Variants in PRKCB observed in about 807,000 individuals in gnomAD.
PRKCB encodes the protein protein kinase C beta type.
In PRKCB, 13 loss-of-function variants were observed where a neutral mutation model predicts 81.5. That is an observed-to-expected ratio of 0.16 (90% CI 0.10 to 0.25). The LOEUF is 0.25. Ranked by LOEUF, PRKCB falls within the 10% of genes least tolerant of loss-of-function variation. The pLI is 1.00. For synonymous variants in PRKCB, 335 were observed against 321.4 expected (o/e 1.04, Z -0.45); for missense variants, 509 against 875.7 (o/e 0.58, Z 5.29).
Position 24,217,727 on chromosome 16 carries a change from G to T in PRKCB, c.*2911G>T, listed in dbSNP as rs1221525558. 14 of 985,304 alleles carry T rather than the reference G, an allele frequency of 1.4e-5. No individual in the cohort carries two copies. The highest frequency in any genetic ancestry group is 1.1e-4 in the East Asian group (1 of 8,822). 61.0% of individuals were successfully genotyped at this position (985,304 alleles called of 1,614,324 possible). On this transcript the variant is annotated 3_prime_UTR_variant, in exon 17 of 17. Coordinates refer to ENST00000643927, the MANE Select transcript of PRKCB (RefSeq NM_002738.7). ...GGAATCTTTGATAAGAGGCCCACAG[G>T]CAGGGAAAGCGAAATAGGGTTGATG... is the stretch of plus-strand genomic sequence containing the variant.
At chr16:23,978,440 T>C (rs763081213) in intron 2 of PRKCB, among the ~76,000 whole-genome samples, 50 of 152,246 alleles carry the variant, frequency 3.3e-4, no homozygotes, top group Non-Finnish European at 3.4e-4. Flanking sequence ...TGAAGTGTCC[T>C]GTGGAATGTG....
chr16:24,141,166 T>C (rs916827336), intron 9 of PRKCB, among the ~76,000 whole-genome samples: 4 of 152,212 alleles, frequency 2.6e-5, no homozygotes, highest in Admixed American at 2.6e-4. Context: ...TCCAACCTGC[T>C]GTGAGACCTC....
intron 5 of PRKCB, among the ~76,000 whole-genome samples, chr16:24,062,410 T>C (rs904348463): frequency 3.9e-5 from 6 of 152,240 alleles, no homozygotes; most frequent in Admixed American, 3.3e-4. Flanking sequence ...CCAAGCACTT[T>C]TGAGGATTCT....
At chr16:24,140,001 G>A (rs770427426) in intron 9 of PRKCB, among the ~76,000 whole-genome samples, 1 of 152,150 alleles carries the variant, frequency 6.6e-6, no homozygotes, top group Non-Finnish European at 1.5e-5. Context: ...AGTCTACCCA[G>A]TTGCCTTCTC....
At chr16:23,929,179 A>G (rs1963937954) in intron 2 of PRKCB, among the ~76,000 whole-genome samples, 1 of 152,122 alleles carries the variant, frequency 6.6e-6, no homozygotes, top group Non-Finnish European at 1.5e-5. Flanking sequence ...GTCCTTCACC[A>G]TGGCAGGAAT....
chr16:24,181,515 C>T (rs1294229803), intron 13 of PRKCB, among the ~76,000 whole-genome samples: 1 of 151,992 alleles, frequency 6.6e-6, no homozygotes, highest in Non-Finnish European at 1.5e-5. Context: ...GCCTGTAATC[C>T]CAGCACTTTG....
chr16:24,023,234 G>A (rs1283558077), intron 3 of PRKCB, among the ~76,000 whole-genome samples: 1 of 152,214 alleles, frequency 6.6e-6, no homozygotes, highest in Non-Finnish European at 1.5e-5. Context: ...ATCTTTGAAT[G>A]CGATCAGAAC....
At chr16:24,006,066 T>C (rs1965114911) in intron 3 of PRKCB, among the ~76,000 whole-genome samples, 1 of 152,186 alleles carries the variant, frequency 6.6e-6, no homozygotes, top group Non-Finnish European at 1.5e-5. Flanking sequence ...CCTCCCTTCC[T>C]CCCTTCCTCC....
rs928250630 is a variant in PRKCB, at chr16:24,179,789, A to G, written c.1395-1001A>G. On this transcript the variant is annotated intron_variant, in intron 12 of 16. Coordinates refer to ENST00000643927, the MANE Select transcript of PRKCB (RefSeq NM_002738.7). ...ATGTCCTCTTTATTTTCATCATACC[A>G]CTTATCAGAATCTGTAATAATCATG... is the stretch of plus-strand genomic sequence containing the variant. Among the ~76,000 whole-genome samples the G allele has an allele frequency of 2.6e-5, 4 of 152,104 alleles. No individual in the cohort carries two copies. The East Asian group carries it at 7.7e-4, about 29-fold the overall frequency.
chr16:23,956,339 A>G (rs376094016), intron 2 of PRKCB, among the ~76,000 whole-genome samples: 67 of 151,992 alleles, frequency 4.4e-4, no homozygotes, highest in African/African-American at 1.5e-3. Context: ...TGCCCAGGCT[A>G]GTAACTTTTT....
At position 24,216,628 on chromosome 16, in the gene PRKCB, C is replaced by G. The variant is rs1968232290; in HGVS notation, c.*1812C>G. 1.0e-6 allele frequency: 1 copy of G among 985,244 alleles called. No individual in the cohort carries two copies. The highest frequency in any genetic ancestry group is 1.2e-6 in the Non-Finnish European group (1 of 829,978). 61.0% of individuals were successfully genotyped at this position (985,244 alleles called of 1,614,324 possible). A position where few individuals can be genotyped will look rare whatever the true frequency, so the allele number is the denominator to read the frequency against. ...GTTTGGATTTCTGCTTAGGCAAAGTCTCCTGCAGTTCATCCTTCTCTGTCC... is the reference window on the plus strand; with the variant it reads ...GTTTGGATTTCTGCTTAGGCAAAGTGTCCTGCAGTTCATCCTTCTCTGTCC... On this transcript the variant is annotated 3_prime_UTR_variant, in exon 17 of 17. Transcript: ENST00000643927.
chr16:24,021,629 G>T (rs951889324), intron 3 of PRKCB, among the ~76,000 whole-genome samples: 3 of 152,000 alleles, frequency 2.0e-5, no homozygotes, highest in Non-Finnish European at 4.4e-5. Flanking sequence ...GAGCAGGGGG[G>T]CAGCCAGGGG....
intron 3 of PRKCB, among the ~76,000 whole-genome samples, chr16:24,023,198 G>A (rs1965428833): frequency 6.6e-6 from 1 of 152,168 alleles, no homozygotes; most frequent in Non-Finnish European, 1.5e-5. Flanking sequence ...ACAGGCATGA[G>A]CCACTGCTCC....
At chr16:23,941,622 G>A (rs188921125) in intron 2 of PRKCB, among the ~76,000 whole-genome samples, 80 of 152,094 alleles carry the variant, frequency 5.3e-4, no homozygotes, top group Non-Finnish European at 9.1e-4. Flanking sequence ...CTATTAATAC[G>A]TCCCATCAAT....
At chr16:24,106,285 A>G (rs1275220542) in intron 7 of PRKCB, among the ~76,000 whole-genome samples, 1 of 152,158 alleles carries the variant, frequency 6.6e-6, no homozygotes, top group African/African-American at 2.4e-5. Flanking sequence ...GCAGTATCAA[A>G]TTAGTTAATA....
chr16:23,911,373 C>T (rs143898803), intron 2 of PRKCB, among the ~76,000 whole-genome samples: 30 of 151,742 alleles, frequency 2.0e-4, no homozygotes, highest in African/African-American at 7.3e-4. Context: ...AGTGATCCAC[C>T]CACCTCGGCC....
At chr16:23,908,321 T>C (rs550983097) in intron 2 of PRKCB, among the ~76,000 whole-genome samples, 104 of 151,806 alleles carry the variant, frequency 6.9e-4, no homozygotes, top group African/African-American at 2.4e-3. Context: ...CATTAGTGGG[T>C]GAATGGGGGT....
At chr16:24,113,252 C>T (rs1190298407) in intron 8 of PRKCB, among the ~76,000 whole-genome samples, 183 bp downstream of exon 8, 1 of 147,588 alleles carries the variant, frequency 6.8e-6, no homozygotes, top group Admixed American at 6.8e-5. Flanking sequence ...TACTTGCTTG[C>T]TTTCTCGCTT....
chr16:23,992,833 G>A (rs560925962), intron 3 of PRKCB, among the ~76,000 whole-genome samples: 1 of 152,196 alleles, frequency 6.6e-6, no homozygotes, highest in Non-Finnish European at 1.5e-5. Context: ...GATCCCATAA[G>A]GTGGGAAGAC....
Sources: gnomAD v4.1 joint callset for allele counts (sites outside exome capture counted in the v4.1 genomes callset) on GRCh38, gnomAD v4.1.1 for gene constraint, MANE v1.5 for transcripts, NCBI Gene and HGNC (gene_info 2026-07-23, HGNC 2026-07-21) for gene names.